Variants in IGFN1 observed in about 807,000 individuals in gnomAD.
The protein encoded by IGFN1 is immunoglobulin like and fibronectin type III domain containing 1, also known as immunoglobulin-like and fibronectin type III domain-containing protein 1.
Under a neutral mutation model 289.5 loss-of-function variants are expected in IGFN1, and 253 were observed. The ratio of observed to expected loss-of-function variants is 0.87; its 90% CI spans 0.79 to 0.97. The LOEUF is 0.97. Among genes scored for constraint, IGFN1 ranks in the 50% least tolerant of loss-of-function variants. IGFN1 has a pLI of 0.00. For synonymous variants in IGFN1, 1,706 were observed against 1,788.5 expected (o/e 0.95, Z 1.16); for missense variants, 4,470 against 4,686.1 (o/e 0.95, Z 1.35).
chr1:201,225,907 G>C lies in IGFN1; in HGVS notation c.10570G>C (p.Glu3524Gln). Reference protein sequence around the residue: ...VTAEWEPSPDEAQDVPLHYAV... With the variant: ...VTAEWEPSPDQAQDVPLHYAV... ...GGCCGAGTGGGAACCCTCTCCTGACGAGGCCCAGGATGTCCCGCTGCACTA... is the reference window on the plus strand; with the variant it reads ...GGCCGAGTGGGAACCCTCTCCTGACCAGGCCCAGGATGTCCCGCTGCACTA... The change falls in exon 22 of 24, where the codon GAG (glutamate) becomes CAG (glutamine). Residue 3524 changes from glutamate to glutamine, a missense_variant. Physicochemically the swap from Glu to Gln is conservative, Grantham distance 29. This residue lies in a region of IGFN1 where 2,218 missense variants were observed against 2,114.1 expected (regional missense o/e 1.05). Coordinates refer to ENST00000335211, the MANE Select transcript of IGFN1 (RefSeq NM_001164586.2). 6.2e-7 allele frequency: 1 copy of C among 1,610,938 alleles called. No individual in the cohort carries two copies. The highest frequency in any genetic ancestry group is 8.5e-7 in the Non-Finnish European group (1 of 1,178,684).
intron 5 of IGFN1, among the ~76,000 whole-genome samples, chr1:201,198,718 C>A (rs555512398): frequency 6.6e-6 from 1 of 152,184 alleles, no homozygotes; most frequent in African/African-American, 2.4e-5. Context: ...TGAACCATCA[C>A]GACCAGTCCA....
Position 201,215,036 on chromosome 1 carries a change from C to T in IGFN1, c.8877C>T (p.Ile2959=), listed in dbSNP as rs746786112. The T allele has an allele frequency of 1.9e-6, 3 of 1,614,082 alleles. No homozygotes were observed. Among genetic ancestry groups the T allele is most frequent in the Non-Finnish European group, 2.5e-6 (3 of 1,179,992 alleles). The change falls in exon 14 of 24, where the codon ATC becomes ATT. Residue 2959 remains isoleucine (I), a synonymous_variant. Transcript: ENST00000335211. The part of the protein sequence containing the change: ...GVKLTTQDGV[I]FKQDGLVHSL... ...AGCTCACCACCCAGGATGGAGTCAT[C>T]TTTAAGCAAGACGGTCTCGTGCACA...
intron 5 of IGFN1, among the ~76,000 whole-genome samples, chr1:201,197,615 A>C (rs1666975597): frequency 6.6e-6 from 1 of 152,234 alleles, no homozygotes. Flanking sequence ...TAACTCATTC[A>C]ATGGGCTTCG....
intron 21 of IGFN1, 90 bp from the exon 22 acceptor site, chr1:201,225,734 G>A: frequency 2.5e-6 from 3 of 1,190,808 alleles, no homozygotes; most frequent in Non-Finnish European, 1.2e-6. Flanking sequence ...CGTTCCCCAG[G>A]ACCCTCAGAA....
chr1:201,213,464 G>GA lies in IGFN1; in HGVS notation c.8573dup (p.Asn2858LysfsTer2), dbSNP rs1229209730. ...ACTGGGGGTGCCTGGAGGAGATGCT[G>GA]AATGAAGATCAGAGCCGGGAGCCCC... On this transcript the variant is annotated frameshift_variant, in exon 12 of 24. Transcript: ENST00000335211. LOFTEE classifies it high-confidence loss of function. 6.2e-7 allele frequency: 1 copy of GA among 1,614,068 alleles called. No individual in the cohort carries two copies. Among genetic ancestry groups the GA allele is most frequent in the East Asian group, 2.2e-5 (1 of 44,878 alleles).
Position 201,197,306 on chromosome 1 carries a change from C to T in IGFN1, c.356C>T (p.Thr119Ile), listed in dbSNP as rs1666961656. 1 of 1,549,692 alleles carries T rather than the reference C, an allele frequency of 6.5e-7. No homozygotes were observed. The highest frequency in any genetic ancestry group is 8.7e-7 in the Non-Finnish European group (1 of 1,145,384). The change falls in exon 5 of 24, where the codon ACT becomes ATT. Residue 119 changes from threonine (T) to isoleucine (I), a missense_variant. Around this residue, in one of 8 missense-constraint regions of IGFN1, gnomAD observed 2,011 missense variants for 1,953.4 expected, o/e 1.03. Coordinates refer to ENST00000335211, the MANE Select transcript of IGFN1 (RefSeq NM_001164586.2). ...GAGGCCGCTTGCTCAGTGAGACTCA[C>T]TGTCATCGAAGGTGGGCTTTTCCCT... is the stretch of plus-strand genomic sequence containing the variant. ...YGEAACSVRLTVIEVGFRKNR... is the reference protein window; with the variant it reads ...YGEAACSVRLIVIEVGFRKNR...
rs768913090 is a variant in IGFN1 at position 201,211,838 on chromosome 1, G to A, written c.6945G>A (p.Leu2315=). The change falls in exon 12 of 24, where the codon TTG becomes TTA. Residue 2315 remains leucine, a synonymous_variant. Coordinates refer to ENST00000335211, the MANE Select transcript of IGFN1 (RefSeq NM_001164586.2). ...RGSLEDSGYI[L]SWNEAGSRQG... ...GTTTGGAGGATTCTGGGTACATTTT[G>A]TCATGGAATGAGGCAGGTTCTAGGC... 55 of 1,536,346 alleles carry A rather than the reference G, an allele frequency of 3.6e-5. No homozygotes were observed. The highest frequency in any genetic ancestry group is 6.9e-5 in the African/African-American group (5 of 72,952).
Position 201,206,365 on chromosome 1 carries a change from G to C in IGFN1, c.1472G>C (p.Gly491Ala). 6.4e-7 allele frequency: 1 copy of C among 1,550,548 alleles called. No individual in the cohort carries two copies. The highest frequency in any genetic ancestry group is 8.7e-7 in the Non-Finnish European group (1 of 1,146,986). ...TGGGGCCCTGGACAGGAGGGCGAGG[G>C]CTTTCCAGTAGCAGAGGGAAGCAGA... Reference protein sequence around the residue: ...SAWGPGQEGEGFPVAEGSRAT... With the variant: ...SAWGPGQEGEAFPVAEGSRAT... Residue 491 changes from glycine to alanine, a missense_variant, in exon 12 of 24, where the codon GGC becomes GCC. By Grantham distance (60) the Gly-to-Ala change is moderately conservative. Transcript: ENST00000335211.
chr1:201,208,551 C>T lies in IGFN1; in HGVS notation c.3658C>T (p.Leu1220Phe). 1.4e-6 allele frequency: 2 copies of T among 1,464,160 alleles called. No individual in the cohort carries two copies. Among genetic ancestry groups the T allele is most frequent in the Non-Finnish European group, 1.8e-6 (2 of 1,116,456 alleles). 90.7% of individuals were successfully genotyped at this position (1,464,160 alleles called of 1,614,324 possible). Residue 1220 changes from leucine to phenylalanine, a missense_variant, in exon 12 of 24, where the codon CTT (leucine) becomes TTT (phenylalanine). By Grantham distance (22) the Leu-to-Phe change is conservative. Coordinates refer to ENST00000335211, the MANE Select transcript of IGFN1 (RefSeq NM_001164586.2). ...NVLGYEDGSE[L>F]PGPQGTGVRT... ...GCTGGGTTATGAGGATGGATCAGAACTTCCAGGGCCTCAGGGAACTGGGGT... is the reference window on the plus strand; with the variant it reads ...GCTGGGTTATGAGGATGGATCAGAATTTCCAGGGCCTCAGGGAACTGGGGT...
At chr1:201,203,985 T>TG (rs1424922206) in intron 10 of IGFN1, 79 bp downstream of exon 10, 11 of 1,301,790 alleles carry the variant, frequency 8.4e-6, no homozygotes, top group Non-Finnish European at 8.5e-6. Context: ...ACGTGTGTGT[T>TG]GGGGGGTAAA....
At position 201,208,961 on chromosome 1, in the gene IGFN1, C is replaced by G; in HGVS notation, c.4068C>G (p.Ser1356Arg). Residue 1356 changes from serine (S) to arginine (R), a missense_variant, in exon 12 of 24, where the codon AGC becomes AGG. Transcript: ENST00000335211. ...ATTCCAGGGAAGCGGGTTCAGGGAG[C>G]AAGGCAGATTATAGCGGTGGTTTAA... ...LQDSREAGSG[S>R]KADYSGGLKG... The G allele has an allele frequency of 6.5e-7, 1 of 1,533,886 alleles. No individual in the cohort carries two copies. The highest frequency in any genetic ancestry group is 8.7e-7 in the Non-Finnish European group (1 of 1,146,076).
chr1:201,217,597 TG>T, intron 17 of IGFN1, 137 bp downstream of exon 17: 1 of 829,134 alleles, frequency 1.2e-6, no homozygotes, highest in Admixed American at 2.8e-5. Context: ...ATATTTTTCG[TG>T]GTCACAATGG....
intron 3 of IGFN1, among the ~76,000 whole-genome samples, chr1:201,195,394 C>T (rs961542998): frequency 3.9e-5 from 6 of 152,140 alleles, no homozygotes; most frequent in Non-Finnish European, 7.3e-5. Flanking sequence ...TCAGGTGATA[C>T]GACTGCCTTG....
chr1:201,195,326 A>T (rs1666868312), intron 3 of IGFN1, among the ~76,000 whole-genome samples: 1 of 151,850 alleles, frequency 6.6e-6, no homozygotes, highest in African/African-American at 2.4e-5. Flanking sequence ...TACTTTTTGT[A>T]TTTTTAATAG....
Position 201,213,292 on chromosome 1 carries a change from A to G in IGFN1, c.8399A>G (p.Gln2800Arg). The G allele has an allele frequency of 1.9e-6, 3 of 1,563,178 alleles. No individual in the cohort carries two copies. Among genetic ancestry groups the G allele is most frequent in the Non-Finnish European group, 2.6e-6 (3 of 1,153,464 alleles). Residue 2800 changes from glutamine to arginine, a missense_variant, in exon 12 of 24, where the codon CAG becomes CGG. Coordinates refer to ENST00000335211, the MANE Select transcript of IGFN1 (RefSeq NM_001164586.2). ...GPGALKEDEG[Q>R]GVEEAGRSGR... ...GGGGCCCTAAAGGAGGATGAAGGGC[A>G]GGGAGTGGAAGAGGCTGGGAGGTCA... is the stretch of plus-strand genomic sequence containing the variant.
In IGFN1 at chr1:201,208,681, G is replaced by A. The variant is rs1667554961; in HGVS notation, c.3788G>A (p.Gly1263Glu). Residue 1263 changes from glycine to glutamate, a missense_variant, in exon 12 of 24, where the codon GGA becomes GAA. By Grantham distance (98) the Gly-to-Glu change is moderately conservative. Coordinates refer to ENST00000335211, the MANE Select transcript of IGFN1 (RefSeq NM_001164586.2). The part of the protein sequence containing the change: ...RDGSGGLQGM[G>E]SADGPGCRKG... ...GGTTCAGGAGGCCTCCAAGGAATGG[G>A]ATCAGCAGATGGGCCAGGTTGTAGG... 6.5e-7 allele frequency: 1 copy of A among 1,537,018 alleles called. No individual in the cohort carries two copies.
At chr1:201,192,110 C>T (rs980534577) in intron 1 of IGFN1, among the ~76,000 whole-genome samples, 1 of 152,272 alleles carries the variant, frequency 6.6e-6, no homozygotes, top group Non-Finnish European at 1.5e-5. Context: ...CTGTGGCACC[C>T]GTGACCACTC....
chr1:201,224,564 T>C, intron 20 of IGFN1, 115 bp from the exon 21 acceptor site: 1 of 790,834 alleles, frequency 1.3e-6, no homozygotes, highest in East Asian at 2.7e-5. Flanking sequence ...TGGTCGACTT[T>C]CTCCTTGTAG....
chr1:201,223,702 C>T (rs1318579505), intron 20 of IGFN1, among the ~76,000 whole-genome samples: 1 of 152,146 alleles, frequency 6.6e-6, no homozygotes, highest in Non-Finnish European at 1.5e-5. Flanking sequence ...CTCTGTGTTT[C>T]ACCTTCCTCA....
Sources: gnomAD v4.1 joint callset for allele counts (sites outside exome capture counted in the v4.1 genomes callset) on GRCh38, gnomAD v4.1.1 for gene constraint, gnomAD v4.1.1 regional missense constraint, MANE v1.5 for transcripts, NCBI Gene and HGNC (gene_info 2026-07-23, HGNC 2026-07-21) for gene names.